AKT3: variants seen among roughly 807,000 people sequenced by gnomAD.
The protein encoded by AKT3 is RAC-gamma serine/threonine-protein kinase.
A neutral mutation model predicts 65.3 loss-of-function variants in AKT3; 15 were observed. The ratio of observed to expected loss-of-function variants is 0.23; its 90% CI spans 0.15 to 0.35. The LOEUF is 0.35. Ranked by LOEUF, AKT3 falls within the 10% of genes least tolerant of loss-of-function variation. The pLI is 1.00. For missense variants in AKT3, 243 were observed against 576.5 expected (o/e 0.42, Z 5.92); for synonymous variants, 206 against 183.8 (o/e 1.12, Z -0.98).
intron 2 of AKT3, among the ~76,000 whole-genome samples, chr1:243,722,182 A>T (rs1192275287): frequency 2.6e-5 from 4 of 152,190 alleles, no homozygotes; most frequent in African/African-American, 7.2e-5. Flanking sequence ...ATATTTTGAC[A>T]CATCTGCTAT....
chr1:243,651,610 T>C (rs569898195), intron 4 of AKT3, among the ~76,000 whole-genome samples: 1 of 152,144 alleles, frequency 6.6e-6, no homozygotes, highest in African/African-American at 2.4e-5. Context: ...TGAAGGGGAG[T>C]TGAGTTTTGT....
intron 4 of AKT3, among the ~76,000 whole-genome samples, chr1:243,664,331 G>C (rs1017364821): frequency 1.3e-5 from 2 of 151,028 alleles, no homozygotes; most frequent in African/African-American, 4.9e-5. Flanking sequence ...TGAGTAGCTG[G>C]GACTACAGGC....
intron 2 of AKT3, among the ~76,000 whole-genome samples, chr1:243,812,044 T>C (rs369821907): frequency 1.3e-5 from 2 of 152,156 alleles, no homozygotes; most frequent in Non-Finnish European, 2.9e-5. Context: ...AAGACTTAAA[T>C]GTTAGACCTA....
chr1:243,814,459 A>T (rs901953323), intron 2 of AKT3: 4 of 152,234 alleles, frequency 2.6e-5, no homozygotes, highest in African/African-American at 9.6e-5. Flanking sequence ...AAAATTTTGT[A>T]GTTCCTAGAA....
At chr1:243,846,049 T>C (rs1261204817) in intron 1 of AKT3, among the ~76,000 whole-genome samples, 1 of 152,146 alleles carries the variant, frequency 6.6e-6, no homozygotes, top group Non-Finnish European at 1.5e-5. Context: ...ATCTACGGAG[T>C]ATCTACTTCA....
chr1:243,782,190 G>A (rs1323357858), intron 2 of AKT3, among the ~76,000 whole-genome samples: 1 of 152,154 alleles, frequency 6.6e-6, no homozygotes, highest in African/African-American at 2.4e-5. Context: ...AAAAAGGGGA[G>A]ACTTGCCTAA....
At chr1:243,805,510 A>G (rs1249819852) in intron 2 of AKT3, among the ~76,000 whole-genome samples, 1 of 152,194 alleles carries the variant, frequency 6.6e-6, no homozygotes, top group Non-Finnish European at 1.5e-5. Context: ...GAATGGTTTA[A>G]ATCTGGTATT....
chr1:243,711,680 C>A lies in AKT3; in HGVS notation c.47-15964G>T, dbSNP rs149192918. Among the ~76,000 whole-genome samples the A allele has an allele frequency of 8.9e-3, 1,362 of 152,266 alleles. 18 individuals are homozygous for A. Among genetic ancestry groups the A allele is most frequent in the African/African-American group, 0.031 (1,290 of 41,548 alleles). On this transcript the variant is annotated intron_variant, in intron 2 of 13. Transcript: ENST00000673466. Reference sequence around the variant, plus strand: ...TACTACTGAATTCATTCAAGACATTCTAAATATATTATCTCATTTTGTTTT... The same window carrying A: ...TACTACTGAATTCATTCAAGACATTATAAATATATTATCTCATTTTGTTTT...
intron 2 of AKT3, among the ~76,000 whole-genome samples, chr1:243,739,121 A>G (rs1342525909): frequency 6.6e-6 from 1 of 152,202 alleles, no homozygotes; most frequent in East Asian, 1.9e-4. Context: ...TCTGAACTGG[A>G]ATCTGGCCGG....
chr1:243,523,271 AC>A, intron 12 of AKT3, among the ~76,000 whole-genome samples: 1 of 149,068 alleles, frequency 6.7e-6, no homozygotes, highest in South Asian at 2.2e-4. Flanking sequence ...ACACACACAC[AC>A]ACACACACAC....
chr1:243,823,144 T>A (rs1693961338), intron 2 of AKT3, among the ~76,000 whole-genome samples: 1 of 152,102 alleles, frequency 6.6e-6, no homozygotes, highest in African/African-American at 2.4e-5. Flanking sequence ...TTAATAAACA[T>A]AATTCATTAC....
At chr1:243,646,156 C>T in intron 4 of AKT3, 119 bp from the exon 5 acceptor site, 1 of 808,400 alleles carries the variant, frequency 1.2e-6, no homozygotes. Context: ...ACACACTCAA[C>T]ACAGATAAGC....
intron 2 of AKT3, among the ~76,000 whole-genome samples, chr1:243,835,430 T>A (rs1694833970): frequency 1.3e-5 from 2 of 152,200 alleles, no homozygotes; most frequent in Admixed American, 1.3e-4. Context: ...CCCTACAACA[T>A]GTTATTTATC....
chr1:243,674,419 TAC>T (rs906667573), intron 3 of AKT3, among the ~76,000 whole-genome samples: 6 of 152,184 alleles, frequency 3.9e-5, no homozygotes, highest in Non-Finnish European at 7.4e-5. Flanking sequence ...CAATATGAAG[TAC>T]ACAGACTCAC....
intron 4 of AKT3, among the ~76,000 whole-genome samples, chr1:243,649,126 T>C (rs766372561): frequency 1.9e-4 from 29 of 152,124 alleles, no homozygotes; most frequent in Non-Finnish European, 4.0e-4. Flanking sequence ...TATTTTCTAA[T>C]GGCTCTTGTG....
At chr1:243,810,290 A>C (rs1017906916) in intron 2 of AKT3, among the ~76,000 whole-genome samples, 1 of 144,720 alleles carries the variant, frequency 6.9e-6, no homozygotes, top group African/African-American at 2.9e-5. Flanking sequence ...AAGACTAATA[A>C]AGAAGAAAAG....
intron 2 of AKT3, among the ~76,000 whole-genome samples, chr1:243,786,844 C>T (rs990492224): frequency 6.6e-6 from 1 of 152,038 alleles, no homozygotes; most frequent in African/African-American, 2.4e-5. Flanking sequence ...GAGAAGCACA[C>T]AGTAGCTTCT....
chr1:243,839,866 CAA>C (rs761747534), intron 2 of AKT3, among the ~76,000 whole-genome samples: 9 of 72,646 alleles, frequency 1.2e-4, no homozygotes, highest in Admixed American at 1.6e-4. Context: ...GACTCCATCT[CAA>C]AAAAAAAAAA....
At chr1:243,577,656 T>G (rs1014475793) in intron 8 of AKT3, among the ~76,000 whole-genome samples, 2 of 151,942 alleles carry the variant, frequency 1.3e-5, no homozygotes, top group Admixed American at 1.3e-4. Context: ...GATGACAACA[T>G]CAAAAGCAAT....
Sources: allele counts gnomAD v4.1 joint callset (sites outside exome capture counted in the v4.1 genomes callset), GRCh38; gene constraint gnomAD v4.1.1; transcripts MANE v1.5; gene names NCBI Gene and HGNC (gene_info 2026-07-23, HGNC 2026-07-21).